Variants in MTMR10 observed in about 807,000 individuals in gnomAD.
MTMR10 encodes myotubularin related protein 10.
In MTMR10, 56 loss-of-function variants were observed where a neutral mutation model predicts 88.1. The observed-to-expected ratio is 0.64, with a 90% CI of 0.51 to 0.79. The LOEUF (loss-of-function observed/expected upper bound fraction) is 0.79, where lower values mean the gene tolerates loss of function less well. Among genes scored for constraint, MTMR10 ranks in the 30% least tolerant of loss-of-function variants. MTMR10 has a pLI of 0.00. For missense variants in MTMR10, 883 were observed against 924.7 expected (o/e 0.95, Z 0.58); for synonymous variants, 380 against 340.9 (o/e 1.11, Z -1.26).
the MTMR10 span, among the ~76,000 whole-genome samples, chr15:30,933,557 G>GT: frequency 6.6e-6 from 1 of 152,090 alleles, no homozygotes; most frequent in East Asian, 1.9e-4. Flanking sequence ...GTATTCCCTG[G>GT]TGAATATTCT....
intron 2 of MTMR10, among the ~76,000 whole-genome samples, chr15:30,987,366 A>T (rs2031006330): frequency 6.6e-6 from 1 of 152,240 alleles, no homozygotes; most frequent in South Asian, 2.1e-4. Context: ...AAGTAGGCAC[A>T]ATACCCATCT....
chr15:30,977,706 T>C (rs563842791), intron 2 of MTMR10, among the ~76,000 whole-genome samples: 6 of 152,154 alleles, frequency 3.9e-5, no homozygotes, highest in Non-Finnish European at 7.4e-5. Flanking sequence ...TGATCCACTT[T>C]GCCTATTTCT....
At position 30,981,189 on chromosome 15, in the gene MTMR10, T is replaced by C. The variant is rs150045425; in HGVS notation, c.122-4234A>G. Among the ~76,000 whole-genome samples, 4 of 152,348 alleles carry C rather than the reference T, an allele frequency of 2.6e-5. No individual in the cohort carries two copies. The East Asian group carries it at 7.7e-4, about 29-fold the overall frequency. ...TCCCAAAAGTATTGACTAATTACTG[T>C]GGTAGTTTTAAGGTATGCCCATAAA... On this transcript the variant is annotated intron_variant, in intron 2 of 15. Transcript: ENST00000435680.
intron 11 of MTMR10, 89 bp from the exon 12 acceptor site, chr15:30,952,127 C>CA: frequency 9.2e-7 from 1 of 1,090,624 alleles, no homozygotes; most frequent in Non-Finnish European, 1.4e-6. Context: ...TCTAATTTCT[C>CA]ACTTTACAGA....
At chr15:30,977,325 T>C (rs1461322924) in intron 2 of MTMR10, among the ~76,000 whole-genome samples, 1 of 152,262 alleles carries the variant, frequency 6.6e-6, no homozygotes, top group African/African-American at 2.4e-5. Flanking sequence ...ATTTGTGTTT[T>C]ATTAACACAT....
intron 2 of MTMR10, among the ~76,000 whole-genome samples, chr15:30,981,414 T>G (rs1184051742): frequency 6.6e-6 from 1 of 152,090 alleles, no homozygotes; most frequent in African/African-American, 2.4e-5. Flanking sequence ...TGATGTCTTG[T>G]GCCTGCTCAC....
Position 30,941,732 on chromosome 15 carries a change from A to G in MTMR10, c.2072T>C (p.Val691Ala), listed in dbSNP as rs149870187. ...CTGTTGCCGCAGCATCCTGCTCAGTACGTCGACTTCATCAGCCAGGAGGGA... is the reference window on the plus strand; with the variant it reads ...CTGTTGCCGCAGCATCCTGCTCAGTGCGTCGACTTCATCAGCCAGGAGGGA... The part of the protein sequence containing the change: ...KLSLLADEVD[V>A]LSRMLRQQRS... The change falls in exon 16 of 16, where the codon GTA (valine) becomes GCA (alanine). Residue 691 changes from valine (V) to alanine (A), a missense_variant. Val to Ala is a moderately conservative substitution (Grantham distance 64). Around this residue, in one of 3 missense-constraint regions of MTMR10, gnomAD observed 343 missense variants for 323.2 expected, o/e 1.06. Coordinates refer to ENST00000435680, the MANE Select transcript of MTMR10 (RefSeq NM_017762.3). 1.4e-4 allele frequency: 221 copies of G among 1,613,970 alleles called. 2 individuals carry two copies. The East Asian group carries it at 4.6e-3, about 34-fold the overall frequency.
At chr15:30,944,363 C>T (rs2063136238) in intron 14 of MTMR10, among the ~76,000 whole-genome samples, 1 of 151,964 alleles carries the variant, frequency 6.6e-6, no homozygotes, top group Non-Finnish European at 1.5e-5. Context: ...GTCAGGAGTT[C>T]AAGACCAGCC....
the MTMR10 span, among the ~76,000 whole-genome samples, chr15:30,932,850 T>C: frequency 1.3e-5 from 2 of 151,708 alleles, no homozygotes; most frequent in Non-Finnish European, 2.9e-5. Flanking sequence ...GTAGCTGGGA[T>C]TACAGCTGTG....
chr15:30,927,592 A>G, the MTMR10 span: 1 of 985,502 alleles, frequency 1.0e-6, no homozygotes, highest in Non-Finnish European at 1.2e-6. Context: ...GGTACCACGC[A>G]GATGGGTTGG....
Position 30,976,895 on chromosome 15 carries a change from T to A in MTMR10, c.182A>T (p.Gln61Leu), listed in dbSNP as rs751432224. 6.2e-7 allele frequency: 1 copy of A among 1,613,728 alleles called. No homozygotes were observed. The highest frequency in any genetic ancestry group is 1.3e-5 in the African/African-American group (1 of 74,936). Residue 61 changes from glutamine (Q) to leucine (L), a missense_variant, in exon 3 of 16, where the codon CAG (glutamine) becomes CTG (leucine). Physicochemically the swap from Gln to Leu is moderately radical, Grantham distance 113. This residue lies in a region of MTMR10 where 414 missense variants were observed against 423.2 expected (regional missense o/e 0.98). Transcript: ENST00000435680. ...TATCAGCTTTCCCCACAAATCGTAC[T>A]GGCTTGTGTCTGTTGCAATGCATTT... Reference protein sequence around the residue: ...VRKCIATDTSQYDLWGKLICS... With the variant: ...VRKCIATDTSLYDLWGKLICS...
chr15:30,941,298 TAAAA>T lies in MTMR10; in HGVS notation c.*168_*171del. The T allele has an allele frequency of 6.6e-7, 1 of 1,517,532 alleles. No homozygotes were observed. Among genetic ancestry groups the T allele is most frequent in the Non-Finnish European group, 8.8e-7 (1 of 1,135,844 alleles). The allele number at this position is 1,517,532 out of a possible 1,614,324, so 94.0% of individuals were successfully genotyped here. A position where few individuals can be genotyped will look rare whatever the true frequency, so the allele number is the denominator to read the frequency against. On this transcript the variant is annotated 3_prime_UTR_variant, in exon 16 of 16. Transcript: ENST00000435680. ...ACAGGAACAAAATTTACATCTCTCT[TAAAA>T]TAAGTGTGAAAGAAGCATGATTCAA...
the MTMR10 span, chr15:30,926,826 C>A: frequency 2.0e-6 from 2 of 985,256 alleles, no homozygotes; most frequent in South Asian, 9.4e-5. Flanking sequence ...GATTCCTTTC[C>A]CAGAGTAGAA....
At chr15:30,958,796 A>G in intron 9 of MTMR10, 67 bp downstream of exon 9, 2 of 1,503,818 alleles carry the variant, frequency 1.3e-6, no homozygotes, top group East Asian at 4.5e-5. Context: ...TTCAATTAGT[A>G]GGGAACTCAC....
At chr15:30,991,422 G>A (rs747359696) in intron 1 of MTMR10, 25 bp downstream of exon 1, 2 of 1,469,676 alleles carry the variant, frequency 1.4e-6, no homozygotes, top group Non-Finnish European at 9.0e-7. Flanking sequence ...GGAGAGTCGG[G>A]CGCTCGCGGG....
At chr15:30,973,245 A>C (rs1226082112) in intron 5 of MTMR10, among the ~76,000 whole-genome samples, 1 of 152,146 alleles carries the variant, frequency 6.6e-6, no homozygotes, top group Non-Finnish European at 1.5e-5. Context: ...GCTTGCTGAG[A>C]GATGGTTATA....
intron 15 of MTMR10, 66 bp from the exon 16 acceptor site, chr15:30,942,138 G>A (rs2063075809): frequency 6.6e-7 from 1 of 1,508,300 alleles, no homozygotes. Flanking sequence ...GGATGCAATG[G>A]CAAATATAAA....
chr15:30,943,736 T>C (rs1214199726), intron 14 of MTMR10: 3 of 985,300 alleles, frequency 3.0e-6, no homozygotes, highest in Non-Finnish European at 3.6e-6. Flanking sequence ...CCCACCACAG[T>C]AAACTGAGGC....
intron 7 of MTMR10, 75 bp downstream of exon 7, chr15:30,960,806 T>C (rs776960435): frequency 1.0e-5 from 14 of 1,377,518 alleles, no homozygotes; most frequent in Admixed American, 2.7e-5. Context: ...AAGTCATCAA[T>C]GACAACAGAG....
Sources: gnomAD v4.1 joint callset for allele counts (sites outside exome capture counted in the v4.1 genomes callset) on GRCh38, gnomAD v4.1.1 for gene constraint, gnomAD v4.1.1 regional missense constraint, MANE v1.5 for transcripts, NCBI Gene and HGNC (gene_info 2026-07-23, HGNC 2026-07-21) for gene names.